Variants in PRKAG2 observed in about 807,000 individuals in gnomAD.
The protein encoded by PRKAG2 is protein kinase AMP-activated non-catalytic subunit gamma 2.
PRKAG2 carries 26 observed loss-of-function variants against 69.6 expected under a neutral mutation model. That is an observed-to-expected ratio of 0.37 (90% CI 0.27 to 0.52). The LOEUF is 0.52. Among genes scored for constraint, PRKAG2 ranks in the 20% least tolerant of loss-of-function variants. The pLI, the probability that PRKAG2 is intolerant of heterozygous loss-of-function variation, is 0.90. For synonymous variants in PRKAG2, 293 were observed against 285.0 expected, an observed-to-expected ratio of 1.03 and a Z score of -0.28; for missense variants, 557 against 740.0, an observed-to-expected ratio of 0.75 and a Z score of 2.87.
intron 3 of PRKAG2, among the ~76,000 whole-genome samples, chr7:151,768,092 G>C (rs906719407): frequency 6.6e-6 from 1 of 152,192 alleles, no homozygotes; most frequent in African/African-American, 2.4e-5. Flanking sequence ...AGCTTAGAAA[G>C]CATGTTCACT....
chr7:151,622,525 C>G (rs1472470071), intron 5 of PRKAG2, among the ~76,000 whole-genome samples: 3 of 152,230 alleles, frequency 2.0e-5, no homozygotes, highest in African/African-American at 7.2e-5. Flanking sequence ...ATGGGGACTA[C>G]TCAAGGTACT....
chr7:151,588,169 A>G (rs1812150426), intron 6 of PRKAG2, among the ~76,000 whole-genome samples: 1 of 152,138 alleles, frequency 6.6e-6, no homozygotes, highest in Admixed American at 6.5e-5. Context: ...TGGGCCTCTC[A>G]TAATTCTCGA....
intron 6 of PRKAG2, among the ~76,000 whole-genome samples, chr7:151,577,719 C>T (rs564314782): frequency 7.9e-4 from 120 of 151,564 alleles, no homozygotes; most frequent in African/African-American, 2.9e-3. Context: ...AAAAAAAATC[C>T]ACCTCTCAAA....
At chr7:151,789,254 C>T (rs748877395) in intron 1 of PRKAG2, among the ~76,000 whole-genome samples, 6 of 152,178 alleles carry the variant, frequency 3.9e-5, no homozygotes, top group Non-Finnish European at 7.4e-5. Flanking sequence ...GTAGTCCTGA[C>T]CTCTTAACAA....
intron 5 of PRKAG2, among the ~76,000 whole-genome samples, chr7:151,617,267 GGAGGGAGGGAGGGAAA>G (rs1388867310): frequency 0.045 from 8 of 178 alleles, no homozygotes; most frequent in Admixed American, 0.23. Context: ...AGCGAGGGAA[GGAGGGAGGGAGGGAAA>G]GAGGGAGGGG....
intron 1 of PRKAG2, among the ~76,000 whole-genome samples, chr7:151,799,042 C>T (rs979443949): frequency 1.3e-5 from 2 of 152,176 alleles, no homozygotes; most frequent in Admixed American, 1.3e-4. Context: ...AGCCCCCTGC[C>T]GAGCGGTGCC....
intron 3 of PRKAG2, among the ~76,000 whole-genome samples, chr7:151,718,323 T>C (rs1796500395): frequency 6.6e-6 from 1 of 152,064 alleles, no homozygotes; most frequent in African/African-American, 2.4e-5. Flanking sequence ...CACAGTCCTA[T>C]CAGCTTACAG....
chr7:151,578,420 A>T (rs1171737293), intron 6 of PRKAG2, among the ~76,000 whole-genome samples: 1 of 152,204 alleles, frequency 6.6e-6, no homozygotes, highest in Non-Finnish European at 1.5e-5. Context: ...AACTGCAGGA[A>T]CCTAGAGCAG....
At chr7:151,581,315 T>C (rs991251070) in intron 6 of PRKAG2, among the ~76,000 whole-genome samples, 2 of 152,232 alleles carry the variant, frequency 1.3e-5, no homozygotes, top group African/African-American at 2.4e-5. Flanking sequence ...CATGGTTTAA[T>C]TGCAATTGTC....
chr7:151,786,001 G>A (rs1365151544), intron 2 of PRKAG2, among the ~76,000 whole-genome samples: 1 of 152,240 alleles, frequency 6.6e-6, no homozygotes, highest in Non-Finnish European at 1.5e-5. Context: ...AGTGGAAAGA[G>A]AGAAAAAGGC....
chr7:151,558,669 C>T (rs1804294431), intron 15 of PRKAG2: 16 of 982,944 alleles, frequency 1.6e-5, no homozygotes, highest in Non-Finnish European at 1.8e-5. Flanking sequence ...CTCAACAAAT[C>T]GTGTTGTATA....
intron 1 of PRKAG2, among the ~76,000 whole-genome samples, chr7:151,825,583 C>T (rs991305202): frequency 1.3e-5 from 2 of 152,228 alleles, no homozygotes; most frequent in African/African-American, 4.8e-5. Flanking sequence ...CACAAGTCTC[C>T]GCCCTCCAGG....
intron 4 of PRKAG2, among the ~76,000 whole-genome samples, chr7:151,651,490 C>A (rs1045550165): frequency 2.0e-5 from 3 of 152,092 alleles, no homozygotes; most frequent in Admixed American, 2.0e-4. Flanking sequence ...GCCTGTAATC[C>A]CAGCTGTTCG....
chr7:151,794,135 C>T (rs1051202928), intron 1 of PRKAG2, among the ~76,000 whole-genome samples: 4 of 152,204 alleles, frequency 2.6e-5, no homozygotes, highest in Non-Finnish European at 4.4e-5. Flanking sequence ...CCCCCCAAGG[C>T]CAAGGACCCT....
At position 151,857,035 on chromosome 7, in the gene PRKAG2, C is replaced by T. The variant is rs146035742; in HGVS notation, c.114+19472G>A. On this transcript the variant is annotated intron_variant, in intron 1 of 15. Transcript: ENST00000287878. The stretch of plus-strand genomic sequence containing the variant: ...GTGGTATCTTTTAGGGCTCCAGAGA[C>T]ACTAACCAGTGTAATTTTTGCAGGC... Among the ~76,000 whole-genome samples, 1,418 of 150,538 alleles carry T rather than the reference C, an allele frequency of 9.4e-3. 15 individuals carry two copies. Among genetic ancestry groups the T allele is most frequent in the Non-Finnish European group, 0.015 (1,038 of 67,912 alleles).
At chr7:151,853,449 T>G (rs2079626618) in intron 1 of PRKAG2, among the ~76,000 whole-genome samples, 1 of 152,204 alleles carries the variant, frequency 6.6e-6, no homozygotes, top group African/African-American at 2.4e-5. Context: ...CGTTGAACTC[T>G]GTGAGATGAT....
rs182262953 is a variant in PRKAG2 at position 151,798,148 on chromosome 7, C to T, written c.115-11607G>A. On this transcript the variant is annotated intron_variant, in intron 1 of 15. Coordinates refer to ENST00000287878, the MANE Select transcript of PRKAG2 (RefSeq NM_016203.4). ...GCCTCTGAGTAGCTGAGATTACAGG[C>T]GCCCGCCACCACGCCTGGCTAATTT... 9.9e-5 allele frequency among the ~76,000 whole-genome samples: 15 copies of T among 151,582 alleles called. No individual in the cohort carries two copies. The East Asian group carries it at 1.8e-3, about 18-fold the overall frequency.
Position 151,830,253 on chromosome 7 carries a change from G to A in PRKAG2, c.115-43712C>T, listed in dbSNP as rs369877006. ...CAGGCCGAGAGGAACCTATCTGTCC[G>A]CAGGCTGACCGGGAGCCACCCTTCC... is the stretch of plus-strand genomic sequence containing the variant. On this transcript the variant is annotated intron_variant, in intron 1 of 15. Transcript: ENST00000287878. Among the ~76,000 whole-genome samples, 196 of 151,780 alleles carry A rather than the reference G, an allele frequency of 1.3e-3. 4 individuals are homozygous for A. Among genetic ancestry groups the A allele is most frequent in the Non-Finnish European group, 2.0e-3 (133 of 67,846 alleles).
intron 3 of PRKAG2, among the ~76,000 whole-genome samples, chr7:151,772,297 C>T (rs1000697317): frequency 2.6e-5 from 4 of 152,174 alleles, no homozygotes; most frequent in Non-Finnish European, 5.9e-5. Flanking sequence ...TCTTCTATCC[C>T]TCTCCCACCA....
Sources: gnomAD v4.1 joint callset for allele counts (sites outside exome capture counted in the v4.1 genomes callset) on GRCh38, gnomAD v4.1.1 for gene constraint, MANE v1.5 for transcripts, NCBI Gene and HGNC (gene_info 2026-07-23, HGNC 2026-07-21) for gene names.